The following FSD1L variants were observed in gnomAD, a reference collection of about 807,000 sequenced individuals.
FSD1L encodes the protein FSD1-like protein.
In FSD1L, 45 loss-of-function variants were observed where a neutral mutation model predicts 71.6. The observed-to-expected ratio is 0.63, with a 90% CI of 0.49 to 0.81. The LOEUF (loss-of-function observed/expected upper bound fraction) is 0.81, where lower values mean the gene tolerates loss of function less well. Among genes scored for constraint, FSD1L ranks in the 30% least tolerant of loss-of-function variants. The pLI, the probability that FSD1L is intolerant of heterozygous loss-of-function variation, is 0.00. For missense variants in FSD1L, 561 were observed against 618.1 expected (o/e 0.91, Z 0.98); for synonymous variants, 197 against 207.2 (o/e 0.95, Z 0.42).
intron 8 of FSD1L, among the ~76,000 whole-genome samples, chr9:105,508,027 G>A (rs1337941534): frequency 6.6e-6 from 1 of 151,540 alleles, no homozygotes; most frequent in South Asian, 2.1e-4. Flanking sequence ...GAGTAGCCAC[G>A]CCCGGCTAAT....
At chr9:105,494,288 T>G (rs978637093) in intron 7 of FSD1L, among the ~76,000 whole-genome samples, 9 of 152,144 alleles carry the variant, frequency 5.9e-5, no homozygotes, top group Admixed American at 2.0e-4. Flanking sequence ...TCCAGTTGAT[T>G]GCATCGGCTC....
At chr9:105,462,161 C>T (rs1564081349) in intron 2 of FSD1L, among the ~76,000 whole-genome samples, 2 of 148,544 alleles carry the variant, frequency 1.3e-5, no homozygotes, top group South Asian at 2.1e-4. Flanking sequence ...CTGTATCTGC[C>T]TTTTTTTTGG....
intron 4 of FSD1L, among the ~76,000 whole-genome samples, chr9:105,471,488 G>A (rs1284461749): frequency 6.6e-6 from 1 of 151,996 alleles, no homozygotes; most frequent in South Asian, 2.1e-4. Flanking sequence ...CAGGAACCTT[G>A]CCATTTAGGT....
At chr9:105,514,483 C>T (rs1034479096) in intron 10 of FSD1L, among the ~76,000 whole-genome samples, 1 of 152,118 alleles carries the variant, frequency 6.6e-6, no homozygotes, top group Admixed American at 6.5e-5. Flanking sequence ...TCTCTGCTTT[C>T]AAGAAATTTG....
Position 105,551,299 on chromosome 9 carries a change from G to A in FSD1L, c.*4816G>A, listed in dbSNP as rs1355023355. ...CTGGATATGACATAAAAAGGATTTT[G>A]GCTTCTTTTTTGAAGTATTTAAAAT... On this transcript the variant is annotated 3_prime_UTR_variant, in exon 14 of 14. Transcript: ENST00000481272. 1 of 151,906 alleles carries A rather than the reference G, an allele frequency of 6.6e-6. No individual in the cohort carries two copies. The highest frequency in any genetic ancestry group is 1.5e-5 in the Non-Finnish European group (1 of 67,936). The allele number at this position is 151,906 out of a possible 1,614,324, so 9.4% of individuals were successfully genotyped here. A position where few individuals can be genotyped will look rare whatever the true frequency, so the allele number is the denominator to read the frequency against.
chr9:105,465,452 A>T (rs1830995952), intron 3 of FSD1L, among the ~76,000 whole-genome samples: 1 of 152,234 alleles, frequency 6.6e-6, no homozygotes, highest in Non-Finnish European at 1.5e-5. Flanking sequence ...GGGATACTAC[A>T]AAAGAGAGAA....
In FSD1L at chr9:105,508,599, A is replaced by G. The variant is rs1486918714; in HGVS notation, c.797-18A>G. 2 of 1,462,832 alleles carry G rather than the reference A, an allele frequency of 1.4e-6. No individual in the cohort carries two copies. Among genetic ancestry groups the G allele is most frequent in the South Asian group, 1.2e-5 (1 of 82,154 alleles). The allele number at this position is 1,462,832 out of a possible 1,614,324, so 90.6% of individuals were successfully genotyped here. On this transcript the variant is annotated intron_variant, in intron 8 of 13. Coordinates refer to ENST00000481272, the MANE Select transcript of FSD1L (RefSeq NM_001145313.3). ...CCTTTACTGTACATGTCTGAAAACC[A>G]TGTTTTCGTTTCTTCAGGCTTAAAA...
At chr9:105,541,939 TGTG>T (rs1361477274) in intron 13 of FSD1L, among the ~76,000 whole-genome samples, 1 of 152,232 alleles carries the variant, frequency 6.6e-6, no homozygotes, top group African/African-American at 2.4e-5. Flanking sequence ...TCCATGTTGT[TGTG>T]GTGTCAGTAT....
At chr9:105,485,460 T>G (rs1832475199) in intron 7 of FSD1L, among the ~76,000 whole-genome samples, 1 of 151,886 alleles carries the variant, frequency 6.6e-6, no homozygotes, top group South Asian at 2.1e-4. Context: ...CACTGCCATA[T>G]TGGTGACCAA....
chr9:105,484,483 A>G lies in FSD1L; in HGVS notation c.567A>G (p.Gln189=). Reference sequence around the variant, plus strand: ...TCTCACAGGAAAGACAGATGCTGCAAACTTTGAAGTTTTTGCCAGGTAAAT... The same window carrying G: ...TCTCACAGGAAAGACAGATGCTGCAGACTTTGAAGTTTTTGCCAGGTAAAT... The part of the protein sequence containing the change: ...VDFSQERQML[Q]TLKFLPVPKA... Residue 189 remains glutamine (Q), a synonymous_variant, in exon 7 of 14, where the codon CAA becomes CAG. Coordinates refer to ENST00000481272, the MANE Select transcript of FSD1L (RefSeq NM_001145313.3). The G allele has an allele frequency of 2.6e-6, 4 of 1,521,584 alleles. No homozygotes were observed. Among genetic ancestry groups the G allele is most frequent in the South Asian group, 1.3e-5 (1 of 77,448 alleles). 94.3% of individuals were successfully genotyped at this position (1,521,584 alleles called of 1,614,324 possible).
intron 7 of FSD1L, among the ~76,000 whole-genome samples, chr9:105,491,864 G>A (rs532978439): frequency 2.6e-5 from 4 of 152,190 alleles, no homozygotes; most frequent in South Asian, 2.1e-4. Flanking sequence ...TGATCATGGT[G>A]GATAAGCTTT....
In FSD1L at chr9:105,471,481, G is replaced by A. The variant is rs62575098; in HGVS notation, c.340-423G>A. Among the ~76,000 whole-genome samples, 146 of 152,138 alleles carry A rather than the reference G, an allele frequency of 9.6e-4. 1 individual carries two copies. Among genetic ancestry groups the A allele is most frequent in the Non-Finnish European group, 1.7e-3 (116 of 67,972 alleles). On this transcript the variant is annotated intron_variant, in intron 4 of 13. Transcript: ENST00000481272. ...TTGCGAGCATTCATCTTTAGAGCAG[G>A]AACCTTGCCATTTAGGTTTAGAAAA... is the stretch of plus-strand genomic sequence containing the variant.
chr9:105,463,415 G>C (rs898113714), intron 2 of FSD1L, among the ~76,000 whole-genome samples: 4 of 152,168 alleles, frequency 2.6e-5, no homozygotes, highest in Non-Finnish European at 5.9e-5. Context: ...CTACCAATGA[G>C]GAGTTACTGC....
intron 12 of FSD1L, among the ~76,000 whole-genome samples, 154 bp from the exon 13 acceptor site, chr9:105,539,109 T>G (rs1836446748): frequency 6.6e-6 from 1 of 152,178 alleles, no homozygotes; most frequent in African/African-American, 2.4e-5. Context: ...GCATTTGTCC[T>G]TCTGATTTTC....
intron 3 of FSD1L, among the ~76,000 whole-genome samples, chr9:105,466,960 G>T (rs901587165): frequency 6.6e-6 from 1 of 152,188 alleles, no homozygotes; most frequent in African/African-American, 2.4e-5. Flanking sequence ...CGTTGCTGAA[G>T]ATGGGAGCTT....
chr9:105,468,050 G>A (rs925350222), intron 3 of FSD1L, 143 bp from the exon 4 acceptor site: 3 of 553,782 alleles, frequency 5.4e-6, no homozygotes, highest in Non-Finnish European at 8.3e-6. Flanking sequence ...AAAGCCTTAA[G>A]TCAAATATTA....
At chr9:105,510,905 C>G (rs748670800) in intron 9 of FSD1L, among the ~76,000 whole-genome samples, 8 of 151,904 alleles carry the variant, frequency 5.3e-5, no homozygotes, top group African/African-American at 1.2e-4. Context: ...TTTGTTTTCA[C>G]AGACTATTAA....
chr9:105,445,358 G>A (rs1033560298), upstream of FSD1L, among the ~76,000 whole-genome samples: 7 of 152,164 alleles, frequency 4.6e-5, no homozygotes, highest in Non-Finnish European at 1.0e-4. Flanking sequence ...TCTGCTGGCT[G>A]GGCTACAGGG....
At chr9:105,509,404 G>T (rs1564125813) in intron 9 of FSD1L, among the ~76,000 whole-genome samples, 1 of 152,136 alleles carries the variant, frequency 6.6e-6, no homozygotes. Flanking sequence ...ACTCCCTAGA[G>T]TAGCAGACTT....
Sources: allele counts gnomAD v4.1 joint callset (sites outside exome capture counted in the v4.1 genomes callset), GRCh38; gene constraint gnomAD v4.1.1; transcripts MANE v1.5; gene names NCBI Gene and HGNC (gene_info 2026-07-23, HGNC 2026-07-21).